The following CSMD1 variants were observed in gnomAD, a reference collection of about 807,000 sequenced individuals.
CSMD1 encodes the protein CUB and Sushi multiple domains 1.
A neutral mutation model predicts 417.5 loss-of-function variants in CSMD1; 213 were observed. That is an observed-to-expected ratio of 0.51 (90% confidence interval 0.46 to 0.57). The LOEUF is 0.57. CSMD1 is among the 20% of genes least tolerant of loss of function. The probability of loss-of-function intolerance (pLI) is 0.00; values close to 1 mark genes in which losing one functional copy is unlikely to be tolerated. For synonymous variants in CSMD1, 2,862 were observed against 1,736.8 expected (o/e 1.65, Z -16.11); for missense variants, 6,923 against 4,529.7 (o/e 1.53, Z -15.17).
chr8:3,619,311 T>C lies in CSMD1; in HGVS notation c.1010-2514A>G, dbSNP rs148558703. ...TTGATCTCAACGTTCAGAGGCCCAC[T>C]AATTAGTGAACATTTTCTACCGTGT... On this transcript the variant is annotated intron_variant, in intron 7 of 69. Transcript: ENST00000635120. 3.3e-3 allele frequency among the ~76,000 whole-genome samples: 509 copies of C among 152,244 alleles called. 3 individuals are homozygous for C. Among genetic ancestry groups the C allele is most frequent in the East Asian group, 0.021 (109 of 5,180 alleles).
At chr8:3,096,358 G>C (rs1320352585) in intron 47 of CSMD1, among the ~76,000 whole-genome samples, 2 of 150,270 alleles carry the variant, frequency 1.3e-5, no homozygotes, top group African/African-American at 2.4e-5. Flanking sequence ...CATGTGGGTG[G>C]GTCTTTCCCA....
intron 10 of CSMD1, among the ~76,000 whole-genome samples, chr8:3,528,333 T>A (rs1797838696): frequency 6.6e-6 from 1 of 152,170 alleles, no homozygotes; most frequent in Non-Finnish European, 1.5e-5. Context: ...CCCCTCTCTA[T>A]TTATACCAAA....
At chr8:4,604,533 C>T (rs1200308603) in intron 2 of CSMD1, among the ~76,000 whole-genome samples, 6 of 151,942 alleles carry the variant, frequency 3.9e-5, no homozygotes, top group Admixed American at 2.0e-4. Flanking sequence ...AAATAGCTAT[C>T]AATAAATGAA....
At chr8:3,143,005 T>C (rs1245673309) in intron 40 of CSMD1, among the ~76,000 whole-genome samples, 2 of 152,200 alleles carry the variant, frequency 1.3e-5, no homozygotes, top group Non-Finnish European at 2.9e-5. Context: ...CGGGGATGAT[T>C]TTGTCCGGTG....
intron 25 of CSMD1, among the ~76,000 whole-genome samples, chr8:3,304,899 AAAGAAGATAAATTATTTTTAT>A (rs1265864336): frequency 3.9e-5 from 6 of 152,202 alleles, no homozygotes; most frequent in African/African-American, 1.2e-4. Flanking sequence ...AATTCTTCTA[AAAGAAGATAAATTATTTTTAT>A]ATAAAGTCAT....
Position 3,992,124 on chromosome 8 carries a change from A to ATGTG in CSMD1, c.818+5775_818+5778dup, listed in dbSNP as rs35587992. ...AAGAAAAGGAGAAATGTGTATATATATGTGTGTGTGTGTGTATGTACATAT... is the reference window on the plus strand; with the variant it reads ...AAGAAAAGGAGAAATGTGTATATATATGTGTGTGTGTGTGTGTGTATGTACATAT... On this transcript the variant is annotated intron_variant, in intron 5 of 69. Coordinates refer to ENST00000635120, the MANE Select transcript of CSMD1 (RefSeq NM_033225.6). 1.0e-4 allele frequency among the ~76,000 whole-genome samples: 15 copies of ATGTG among 150,432 alleles called. No individual in the cohort carries two copies. In the South Asian group the frequency reaches 1.0e-3, roughly 11 times the overall value.
At chr8:2,990,422 G>A (rs753128419) in intron 54 of CSMD1, among the ~76,000 whole-genome samples, 9 of 152,252 alleles carry the variant, frequency 5.9e-5, no homozygotes, top group South Asian at 2.1e-4. Context: ...ATTCAGCTCC[G>A]GTTGACACAT....
chr8:4,858,259 G>A (rs1004590416), intron 1 of CSMD1, among the ~76,000 whole-genome samples: 45 of 151,096 alleles, frequency 3.0e-4, no homozygotes, highest in African/African-American at 8.1e-4. Context: ...TTGATGGGAC[G>A]TATTTCAAAA....
intron 5 of CSMD1, among the ~76,000 whole-genome samples, chr8:3,846,545 A>G (rs1055644762): frequency 6.6e-6 from 1 of 152,252 alleles, no homozygotes; most frequent in Non-Finnish European, 1.5e-5. Context: ...TAATTGGGCT[A>G]GAGCATATGA....
chr8:4,256,697 G>C (rs567304035), intron 3 of CSMD1, among the ~76,000 whole-genome samples: 3 of 150,612 alleles, frequency 2.0e-5, no homozygotes, highest in African/African-American at 7.4e-5. Flanking sequence ...CAGATGGGCC[G>C]GGCGTGGTGT....
chr8:4,327,263 C>T (rs1875893), intron 3 of CSMD1, among the ~76,000 whole-genome samples: 144,625 of 152,292 alleles, frequency 0.95, 69,047 homozygotes, highest in East Asian at 1. Flanking sequence ...GTCCATTTTA[C>T]AGTCAATTGC....
At chr8:3,101,839 T>C (rs1585351887) in intron 46 of CSMD1, among the ~76,000 whole-genome samples, 1 of 136,806 alleles carries the variant, frequency 7.3e-6, no homozygotes, top group Non-Finnish European at 1.6e-5. Context: ...TCTTGCTCTG[T>C]CGCTCAGGCT....
At chr8:4,258,190 C>G (rs902365922) in intron 3 of CSMD1, among the ~76,000 whole-genome samples, 1 of 150,150 alleles carries the variant, frequency 6.7e-6, no homozygotes, top group Non-Finnish European at 1.5e-5. Flanking sequence ...AGCAATCTTC[C>G]TGGCTTGGCC....
At chr8:3,886,809 G>A (rs947534352) in intron 5 of CSMD1, among the ~76,000 whole-genome samples, 13 of 152,124 alleles carry the variant, frequency 8.5e-5, no homozygotes, top group Non-Finnish European at 1.8e-4. Flanking sequence ...AGGAAGGAGG[G>A]TAGAATAGAG....
chr8:3,196,989 C>T lies in CSMD1; in HGVS notation c.5194+2725G>A, dbSNP rs7835883. Among the ~76,000 whole-genome samples, 557 of 152,330 alleles carry T rather than the reference C, an allele frequency of 3.7e-3. 2 individuals are homozygous for T. Among genetic ancestry groups the T allele is most frequent in the African/African-American group, 0.013 (532 of 41,576 alleles). On this transcript the variant is annotated intron_variant, in intron 33 of 69. Coordinates refer to ENST00000635120, the MANE Select transcript of CSMD1 (RefSeq NM_033225.6). ...CTGGGGCACCCCATGATGTCACTCA[C>T]ACCTTCTTCTCTCATGCTTTCCAAA...
At chr8:4,710,423 TAATAC>T (rs1172057407) in intron 1 of CSMD1, among the ~76,000 whole-genome samples, 4 of 147,650 alleles carry the variant, frequency 2.7e-5, no homozygotes, top group Non-Finnish European at 1.5e-5. Flanking sequence ...TAAATATATT[TAATAC>T]AATATAAACT....
intron 2 of CSMD1, among the ~76,000 whole-genome samples, chr8:4,444,509 C>G (rs1387774853): frequency 6.6e-6 from 1 of 151,934 alleles, no homozygotes; most frequent in Non-Finnish European, 1.5e-5. Flanking sequence ...TTTTGACAGA[C>G]AAGTTTTTTT....
chr8:4,865,870 T>G lies in CSMD1; in HGVS notation c.85+128462A>C, dbSNP rs576530458. Among the ~76,000 whole-genome samples the G allele has an allele frequency of 5.8e-4, 88 of 152,014 alleles. No individual in the cohort carries two copies. The South Asian group carries it at 7.3e-3, about 13-fold the overall frequency. ...TTGGGACCTATTTTTTCCATTTAAT[T>G]TTAACCAAATTTAATCATAGGTTTG... On this transcript the variant is annotated intron_variant, in intron 1 of 69. Transcript: ENST00000635120.
At chr8:4,970,496 A>C (rs980121963) in intron 1 of CSMD1, among the ~76,000 whole-genome samples, 2 of 152,092 alleles carry the variant, frequency 1.3e-5, no homozygotes, top group Admixed American at 6.6e-5. Context: ...CCCCATTCTC[A>C]TGGAATAGAG....
Sources: allele counts gnomAD v4.1 joint callset (sites outside exome capture counted in the v4.1 genomes callset), GRCh38; gene constraint gnomAD v4.1.1; transcripts MANE v1.5; gene names NCBI Gene and HGNC (gene_info 2026-07-23, HGNC 2026-07-21).